The following NEGR1 variants were observed in gnomAD, a reference collection of about 807,000 sequenced individuals.
NEGR1 encodes the protein neuronal growth regulator 1, also known as IgLON family member 4.
In NEGR1, 10 loss-of-function variants were observed where a neutral mutation model predicts 40.9. The observed-to-expected ratio is 0.24, with a 90% CI of 0.15 to 0.42. The LOEUF is 0.42. Among genes scored for constraint, NEGR1 ranks in the 10% least tolerant of loss-of-function variants. NEGR1 has a pLI of 1.00. For missense variants in NEGR1, 352 were observed against 438.9 expected, an observed-to-expected ratio of 0.80 and a Z score of 1.77; for synonymous variants, 185 against 166.8, an observed-to-expected ratio of 1.11 and a Z score of -0.84.
At chr1:72,014,556 C>A (rs1646692089) in intron 1 of NEGR1, among the ~76,000 whole-genome samples, 2 of 151,894 alleles carry the variant, frequency 1.3e-5, no homozygotes, top group South Asian at 4.1e-4. Context: ...TATTAGTCAA[C>A]CAATATTCAT....
intron 2 of NEGR1, among the ~76,000 whole-genome samples, chr1:71,872,751 C>T (rs975104801): frequency 1.3e-5 from 2 of 152,140 alleles, no homozygotes; most frequent in Non-Finnish European, 2.9e-5. Context: ...ATGCTGCTGG[C>T]CATACTGCTG....
chr1:71,495,273 G>A (rs1472085844), intron 6 of NEGR1, among the ~76,000 whole-genome samples: 2 of 152,024 alleles, frequency 1.3e-5, no homozygotes, highest in African/African-American at 4.8e-5. Flanking sequence ...GAGGTCAGGA[G>A]TTTGAGACCA....
intron 1 of NEGR1, among the ~76,000 whole-genome samples, chr1:72,151,694 C>A (rs766400535): frequency 1.3e-5 from 2 of 151,670 alleles, no homozygotes; most frequent in Non-Finnish European, 3.0e-5. Context: ...TTGCCATTTT[C>A]TCTGAGAATA....
intron 3 of NEGR1, among the ~76,000 whole-genome samples, chr1:71,730,877 CGTGTGTGTGTGTGTGTGTGTGTGTGTGT>C (rs59873481): frequency 1.5e-5 from 2 of 130,002 alleles, no homozygotes; most frequent in African/African-American, 5.6e-5. Flanking sequence ...GTGAAGCATT[CGTGTGTGTGTGTGTGTGTGTGTGTGTGT>C]GTGTGTGTGT....
chr1:71,572,849 A>G (rs1340580736), intron 6 of NEGR1, among the ~76,000 whole-genome samples: 1 of 152,184 alleles, frequency 6.6e-6, no homozygotes, highest in Non-Finnish European at 1.5e-5. Flanking sequence ...AAGGGACCCT[A>G]GAAGAGTAAT....
At chr1:71,835,929 T>A (rs576270590) in intron 2 of NEGR1, among the ~76,000 whole-genome samples, 5 of 152,090 alleles carry the variant, frequency 3.3e-5, no homozygotes, top group Non-Finnish European at 5.9e-5. Flanking sequence ...TATGTGTGTG[T>A]GTGCACATAT....
chr1:72,011,998 C>A (rs79477710), intron 1 of NEGR1, among the ~76,000 whole-genome samples: 121 of 152,000 alleles, frequency 8.0e-4, no homozygotes, highest in Non-Finnish European at 1.4e-3. Context: ...GGAGTTACAC[C>A]GAAGACAAAG....
chr1:71,759,712 C>A (rs949968195), intron 3 of NEGR1, among the ~76,000 whole-genome samples: 2 of 142,730 alleles, frequency 1.4e-5, no homozygotes, highest in African/African-American at 5.2e-5. Flanking sequence ...TGGGTTCATG[C>A]GATCCTTCTG....
intron 6 of NEGR1, among the ~76,000 whole-genome samples, chr1:71,549,040 T>A (rs1647991153): frequency 6.6e-6 from 1 of 151,726 alleles, no homozygotes; most frequent in Non-Finnish European, 1.5e-5. Flanking sequence ...TACAACTTTA[T>A]CCTTCTGGAC....
chr1:71,575,839 A>T (rs1648950393), intron 6 of NEGR1, among the ~76,000 whole-genome samples: 2 of 152,078 alleles, frequency 1.3e-5, no homozygotes, highest in Non-Finnish European at 2.9e-5. Context: ...AAAAGCACAA[A>T]ACCTTTCCCT....
intron 1 of NEGR1, among the ~76,000 whole-genome samples, chr1:72,062,318 G>A (rs141864806): frequency 3.3e-5 from 5 of 151,930 alleles, no homozygotes; most frequent in Non-Finnish European, 5.9e-5. Flanking sequence ...CCTCCAGGCA[G>A]AATTAATCAC....
intron 6 of NEGR1, among the ~76,000 whole-genome samples, chr1:71,480,972 C>G (rs1335235474): frequency 6.6e-6 from 1 of 151,806 alleles, no homozygotes; most frequent in African/African-American, 2.4e-5. Flanking sequence ...AAATTGTAGT[C>G]TGATTCTATT....
chr1:71,826,495 T>C (rs1658630277), intron 2 of NEGR1, among the ~76,000 whole-genome samples: 1 of 151,918 alleles, frequency 6.6e-6, no homozygotes, highest in African/African-American at 2.4e-5. Flanking sequence ...CCCACTTAAG[T>C]GGGTCTTTTT....
chr1:71,484,007 C>T (rs368792386), intron 6 of NEGR1, among the ~76,000 whole-genome samples: 9 of 151,448 alleles, frequency 5.9e-5, no homozygotes, highest in African/African-American at 2.2e-4. Context: ...CTGGTATGCC[C>T]TTGAGGAGTA....
intron 1 of NEGR1, among the ~76,000 whole-genome samples, chr1:72,078,322 C>A (rs968752651): frequency 6.6e-6 from 1 of 152,084 alleles, no homozygotes; most frequent in African/African-American, 2.4e-5. Context: ...ACAAAAATGA[C>A]TAAAAACATT....
intron 6 of NEGR1, among the ~76,000 whole-genome samples, chr1:71,471,625 ACT>A (rs1356607249): frequency 7.3e-5 from 11 of 150,694 alleles, no homozygotes; most frequent in East Asian, 2.0e-4. Context: ...ACAGAGTGAG[ACT>A]CTGTCTAAAA....
chr1:71,430,497 C>T (rs1403944204), intron 6 of NEGR1, among the ~76,000 whole-genome samples: 1 of 152,026 alleles, frequency 6.6e-6, no homozygotes, highest in East Asian at 1.9e-4. Flanking sequence ...AGCAGTCATA[C>T]TGTATTTCCA....
intron 1 of NEGR1, among the ~76,000 whole-genome samples, chr1:71,986,590 AC>A (rs1646396621): frequency 6.6e-6 from 1 of 152,144 alleles, no homozygotes; most frequent in African/African-American, 2.4e-5. Context: ...AAATCTCAGA[AC>A]ATGCAGAGGG....
intron 2 of NEGR1, among the ~76,000 whole-genome samples, chr1:71,908,091 A>T (rs1661327290): frequency 6.6e-6 from 1 of 152,088 alleles, no homozygotes; most frequent in Non-Finnish European, 1.5e-5. Context: ...CTCATATCCC[A>T]AACCTCAGCA....
Sources: gnomAD v4.1 joint callset for allele counts (sites outside exome capture counted in the v4.1 genomes callset) on GRCh38, gnomAD v4.1.1 for gene constraint, MANE v1.5 for transcripts, NCBI Gene and HGNC (gene_info 2026-07-23, HGNC 2026-07-21) for gene names.